Variants in ZMYND11 observed in about 807,000 individuals in gnomAD.
ZMYND11 encodes zinc finger MYND domain-containing protein 11.
In ZMYND11, 9 loss-of-function variants were observed where a neutral mutation model predicts 84.9. That is an observed-to-expected ratio of 0.11 (90% confidence interval 0.06 to 0.18). ZMYND11 has a LOEUF of 0.18. ZMYND11 is among the 10% of genes least tolerant of loss of function. The probability of loss-of-function intolerance (pLI) is 1.00; values close to 1 mark genes in which losing one functional copy is unlikely to be tolerated. For synonymous variants in ZMYND11, 250 were observed against 244.1 expected (o/e 1.02, Z -0.23); for missense variants, 409 against 761.0 (o/e 0.54, Z 5.44).
intron 10 of ZMYND11, among the ~76,000 whole-genome samples, chr10:242,863 TACTG>T (rs1183308180): frequency 1.9e-4 from 29 of 152,318 alleles, no homozygotes; most frequent in African/African-American, 7.0e-4. Context: ...AACCTATAAA[TACTG>T]TAAATTTCCC....
intron 1 of ZMYND11, among the ~76,000 whole-genome samples, chr10:177,809 T>C (rs1370110695): frequency 6.6e-6 from 1 of 152,148 alleles, no homozygotes; most frequent in African/African-American, 2.4e-5. Context: ...AATTATAATA[T>C]GCATCCTTAA....
chr10:245,149 T>G (rs947960002), intron 10 of ZMYND11, among the ~76,000 whole-genome samples: 1 of 152,218 alleles, frequency 6.6e-6, no homozygotes, highest in African/African-American at 2.4e-5. Flanking sequence ...TTTTTCAAAG[T>G]TCAGTTTACT....
chr10:249,353 T>C (rs1312267010), intron 14 of ZMYND11: 14 of 1,205,586 alleles, frequency 1.2e-5, no homozygotes, highest in Admixed American at 4.1e-5. Flanking sequence ...AATTAACTTA[T>C]ATAATTTCTC....
At chr10:251,690 C>T (rs1453504054) in intron 14 of ZMYND11, among the ~76,000 whole-genome samples, 1 of 152,182 alleles carries the variant, frequency 6.6e-6, no homozygotes, top group African/African-American at 2.4e-5. Flanking sequence ...CTTCTCTTCT[C>T]CCATGACCAA....
At chr10:130,141 AAAC>A (rs1224054555), upstream of ZMYND11, among the ~76,000 whole-genome samples, 2 of 152,178 alleles carry the variant, frequency 1.3e-5, no homozygotes, top group Admixed American at 6.5e-5. Context: ...TCTGAAAAAC[AAAC>A]AACAAACAAA....
At chr10:240,179 C>A in intron 8 of ZMYND11, 68 bp downstream of exon 8, 1 of 1,307,756 alleles carries the variant, frequency 7.6e-7, no homozygotes, top group African/African-American at 1.5e-5. Context: ...GGATTCCACT[C>A]TTATCTACAT....
At chr10:130,947 ATC>A (rs1361392205), upstream of ZMYND11, among the ~76,000 whole-genome samples, 1 of 152,126 alleles carries the variant, frequency 6.6e-6, no homozygotes, top group Non-Finnish European at 1.5e-5. Context: ...GCGAAACCCC[ATC>A]TCTACCAAAA....
intron 1 of ZMYND11, among the ~76,000 whole-genome samples, chr10:173,741 G>A (rs981283020): frequency 6.6e-6 from 1 of 151,988 alleles, no homozygotes. Context: ...TTTTTTAAGG[G>A]CAAAAGACCT....
intron 1 of ZMYND11, among the ~76,000 whole-genome samples, chr10:169,341 T>C (rs1844742533): frequency 6.6e-6 from 1 of 152,016 alleles, no homozygotes; most frequent in Non-Finnish European, 1.5e-5. Context: ...GTTATTAAAG[T>C]CCTATTTAGC....
intron 14 of ZMYND11, chr10:249,461 A>AATTATCACAATAAATAGTTTC (rs1952883130): frequency 1.0e-6 from 1 of 984,938 alleles, no homozygotes; most frequent in Non-Finnish European, 1.2e-6. Flanking sequence ...TTATAAATGT[A>AATTATCACAATAAATAGTTTC]ATTATCACAA....
At chr10:157,399 C>T (rs1200966209) in intron 1 of ZMYND11, among the ~76,000 whole-genome samples, 1 of 152,120 alleles carries the variant, frequency 6.6e-6, no homozygotes, top group Non-Finnish European at 1.5e-5. Flanking sequence ...GGGGTGTCAC[C>T]ATGTTGGCCA....
chr10:137,996 T>C (rs552173509), intron 1 of ZMYND11, among the ~76,000 whole-genome samples: 1 of 152,206 alleles, frequency 6.6e-6, no homozygotes, highest in Non-Finnish European at 1.5e-5. Flanking sequence ...GCAATTACCA[T>C]TTGTGAGGTG....
At chr10:158,991 G>GT (rs71374342) in intron 1 of ZMYND11, among the ~76,000 whole-genome samples, 1,024 of 58,640 alleles carry the variant, frequency 0.017, 24 homozygotes, top group African/African-American at 0.047. Context: ...TTTGTTTTTT[G>GT]TTTTTTTTTT....
At chr10:140,025 G>A (rs902605334) in intron 1 of ZMYND11, among the ~76,000 whole-genome samples, 13 of 152,072 alleles carry the variant, frequency 8.5e-5, no homozygotes, top group Non-Finnish European at 1.8e-4. Context: ...CATCTTAAAA[G>A]CATAGCAGTC....
chr10:243,438 CTTT>C lies in ZMYND11; in HGVS notation c.950+1302_950+1304del, dbSNP rs551268689. ...GGTAAGAATAATCTGATAATTAGAA[CTTT>C]TTATCTATATATTTTTCTTTTTCAT... On this transcript the variant is annotated intron_variant, in intron 10 of 14. Transcript: ENST00000381604. Among the ~76,000 whole-genome samples, 521 of 152,224 alleles carry C rather than the reference CTTT, an allele frequency of 3.4e-3. 3 individuals carry two copies. Among genetic ancestry groups the C allele is most frequent in the African/African-American group, 0.012 (500 of 41,530 alleles).
At chr10:211,691 G>GA (rs1357355424) in intron 3 of ZMYND11, among the ~76,000 whole-genome samples, 1 of 152,226 alleles carries the variant, frequency 6.6e-6, no homozygotes, top group Non-Finnish European at 1.5e-5. Flanking sequence ...AAACATGGAA[G>GA]AAAAAATCTT....
At position 246,817 on chromosome 10, in the gene ZMYND11, G is replaced by C; in HGVS notation, c.1002G>C (p.Arg334=). 1 of 1,614,146 alleles carries C rather than the reference G, an allele frequency of 6.2e-7. No homozygotes were observed. The highest frequency in any genetic ancestry group is 8.5e-7 in the Non-Finnish European group (1 of 1,180,032). Residue 334 remains arginine, a synonymous_variant, in exon 11 of 15, where the codon CGG becomes CGC. Transcript: ENST00000381604. ...AAGATATCACAGTCAACATTCATCG[G>C]CTGCACGTGAAGCGCAGTATGGGTT... ...NIQDITVNIH[R]LHVKRSMGWK...
intron 1 of ZMYND11, among the ~76,000 whole-genome samples, chr10:143,355 C>G (rs1837931501): frequency 6.6e-6 from 1 of 152,172 alleles, no homozygotes; most frequent in South Asian, 2.1e-4. Flanking sequence ...TTTTAGTTTT[C>G]TCTTGTAGAT....
chr10:147,055 C>T lies in ZMYND11; in HGVS notation c.-20+11496C>T, dbSNP rs186403500. 8.5e-4 allele frequency among the ~76,000 whole-genome samples: 130 copies of T among 152,276 alleles called. 1 individual carries two copies. Among genetic ancestry groups the T allele is most frequent in the Admixed American group, 8.4e-3 (129 of 15,304 alleles). On this transcript the variant is annotated intron_variant, in intron 1 of 14. Coordinates refer to ENST00000381604, the MANE Select transcript of ZMYND11 (RefSeq NM_001370100.5). Reference sequence around the variant, plus strand: ...AATGGACTAATACACTCAGCTTGGTCGTTGTTGGTATATAGCAGCACTACC... The same window carrying T: ...AATGGACTAATACACTCAGCTTGGTTGTTGTTGGTATATAGCAGCACTACC...
Sources: allele counts gnomAD v4.1 joint callset (sites outside exome capture counted in the v4.1 genomes callset), GRCh38; gene constraint gnomAD v4.1.1; transcripts MANE v1.5; gene names NCBI Gene and HGNC (gene_info 2026-07-23, HGNC 2026-07-21).